The following PRKN variants were observed in gnomAD, a reference collection of about 807,000 sequenced individuals.
The protein encoded by PRKN is E3 ubiquitin-protein ligase parkin.
Under a neutral mutation model 59.5 loss-of-function variants are expected in PRKN, and 56 were observed. That is an observed-to-expected ratio of 0.94 (90% confidence interval 0.76 to 1.18). PRKN has a LOEUF of 1.18. Among genes scored for constraint, PRKN ranks in the 50% most tolerant of loss-of-function variants. The probability of loss-of-function intolerance (pLI) is 0.00; values close to 1 mark genes in which losing one functional copy is unlikely to be tolerated. For synonymous variants in PRKN, 250 were observed against 222.1 expected, an observed-to-expected ratio of 1.13 and a Z score of -1.12; for missense variants, 657 against 596.4, an observed-to-expected ratio of 1.10 and a Z score of -1.06.
At chr6:162,047,704 T>G (rs1035002692) in intron 5 of PRKN, among the ~76,000 whole-genome samples, 1 of 152,144 alleles carries the variant, frequency 6.6e-6, no homozygotes, top group African/African-American at 2.4e-5. Flanking sequence ...ACTAAAACAT[T>G]ATTAAGAAAC....
intron 2 of PRKN, chr6:162,269,760 T>A (rs952914281): frequency 6.6e-6 from 1 of 152,132 alleles, no homozygotes; most frequent in South Asian, 2.1e-4. Flanking sequence ...CCAACAAACA[T>A]ATGAAATAAT....
intron 1 of PRKN, among the ~76,000 whole-genome samples, chr6:162,638,454 C>T (rs1044955792): frequency 2.0e-5 from 3 of 152,164 alleles, no homozygotes; most frequent in Non-Finnish European, 4.4e-5. Context: ...AAAGGATTTG[C>T]CAAATTATCT....
chr6:161,906,109 A>G (rs778785465), intron 6 of PRKN, among the ~76,000 whole-genome samples: 5 of 152,138 alleles, frequency 3.3e-5, no homozygotes, highest in Non-Finnish European at 7.3e-5. Context: ...TTGGGACTAC[A>G]GGTATGGGCC....
At chr6:162,698,153 G>C (rs1023327520) in intron 1 of PRKN, among the ~76,000 whole-genome samples, 5 of 152,224 alleles carry the variant, frequency 3.3e-5, no homozygotes, top group Admixed American at 6.5e-5. Context: ...TTCTGGAAGA[G>C]GATCAGCATA....
At chr6:161,455,118 A>T (rs1789908517) in intron 9 of PRKN, among the ~76,000 whole-genome samples, 2 of 150,242 alleles carry the variant, frequency 1.3e-5, no homozygotes, top group African/African-American at 2.5e-5. Flanking sequence ...GGCTCACTGC[A>T]ACCTCTGCCC....
chr6:161,644,493 T>G (rs1458088270), intron 7 of PRKN, among the ~76,000 whole-genome samples: 2 of 152,258 alleles, frequency 1.3e-5, no homozygotes, highest in Non-Finnish European at 2.9e-5. Context: ...GGATTTCGCC[T>G]GCCTGGCATG....
rs2114980178 is a variant in PRKN at position 161,401,148 on chromosome 6, C to T, written c.1084-14271G>A. 6.6e-6 allele frequency among the ~76,000 whole-genome samples: 1 copy of T among 152,272 alleles called. No individual in the cohort carries two copies. Among genetic ancestry groups the T allele is most frequent in the Middle Eastern group, 3.4e-3 (1 of 294 alleles). The stretch of plus-strand genomic sequence containing the variant: ...ATTTAGCCAACAAAGAAGGTTGGCT[C>T]AAAGACACCTGTTTTTGCATGTAAA... On this transcript the variant is annotated intron_variant, in intron 9 of 11. Coordinates refer to ENST00000366898, the MANE Select transcript of PRKN (RefSeq NM_004562.3). The surrounding 1 kb of genome is among the most constrained non-coding windows in gnomAD (Gnocchi z 4.4).
intron 4 of PRKN, among the ~76,000 whole-genome samples, chr6:162,140,023 A>G (rs1781711095): frequency 6.6e-6 from 1 of 152,182 alleles, no homozygotes; most frequent in African/African-American, 2.4e-5. Flanking sequence ...TTAAAAAGGC[A>G]CTCTGCATGT....
At chr6:161,868,052 C>T (rs9355943) in intron 6 of PRKN, among the ~76,000 whole-genome samples, 48,916 of 151,240 alleles carry the variant, frequency 0.32, 8,233 homozygotes, top group Admixed American at 0.4. Context: ...TGAGCCATTG[C>T]GCCTGGCCAA....
At chr6:162,574,590 A>G (rs898437642) in intron 1 of PRKN, among the ~76,000 whole-genome samples, 1 of 152,144 alleles carries the variant, frequency 6.6e-6, no homozygotes, top group Non-Finnish European at 1.5e-5. Context: ...ACATTCCTGT[A>G]GTTTTATTTC....
At chr6:162,681,843 T>C (rs1192130107) in intron 1 of PRKN, among the ~76,000 whole-genome samples, 2 of 152,156 alleles carry the variant, frequency 1.3e-5, no homozygotes, top group East Asian at 3.9e-4. Context: ...TAGACCCAAC[T>C]CCCACCCGCT....
At position 162,321,793 on chromosome 6, in the gene PRKN, C is replaced by G. The variant is rs150113990; in HGVS notation, c.172-59028G>C. ...TAAGGTTTAAAATAAAAGCATCTGA[C>G]AAAAATCTGAAGTCTGTCTTATACA... On this transcript the variant is annotated intron_variant, in intron 2 of 11. Transcript: ENST00000366898. Among the ~76,000 whole-genome samples, 632 of 151,984 alleles carry G rather than the reference C, an allele frequency of 4.2e-3. 2 individuals are homozygous for G. The highest frequency in any genetic ancestry group is 0.015 in the African/African-American group (604 of 41,530).
chr6:162,222,056 T>C (rs147006453), intron 3 of PRKN, among the ~76,000 whole-genome samples: 262 of 152,156 alleles, frequency 1.7e-3, no homozygotes, highest in African/African-American at 6.0e-3. Context: ...AGGTAAAACA[T>C]TGGTTTTGGT....
In PRKN at chr6:161,475,983, G is replaced by C. The variant is rs1001151743; in HGVS notation, c.1083+72871C>G. Among the ~76,000 whole-genome samples, 11 of 152,012 alleles carry C rather than the reference G, an allele frequency of 7.2e-5. No individual in the cohort carries two copies. Among genetic ancestry groups the C allele is most frequent in the Admixed American group, 2.0e-4 (3 of 15,258 alleles). On this transcript the variant is annotated intron_variant, in intron 9 of 11. Coordinates refer to ENST00000366898, the MANE Select transcript of PRKN (RefSeq NM_004562.3). This position sits in a 1 kb window ranked among gnomAD's most constrained non-coding sequence, Gnocchi z 5.3. ...GGGCGGATCACGAGGTCAGGAGATGGAGACCATCCTGGTTAACACGGTGAA... is the reference window on the plus strand; with the variant it reads ...GGGCGGATCACGAGGTCAGGAGATGCAGACCATCCTGGTTAACACGGTGAA...
chr6:161,934,984 A>C lies in PRKN; in HGVS notation c.734+38318T>G, dbSNP rs144481358. Reference sequence around the variant, plus strand: ...TAGGTCTGTCTAATGTGTTATTTTAAGAGTTGCACAGGAAGAATTTTCAGA... The same window carrying C: ...TAGGTCTGTCTAATGTGTTATTTTACGAGTTGCACAGGAAGAATTTTCAGA... On this transcript the variant is annotated intron_variant, in intron 6 of 11. Coordinates refer to ENST00000366898, the MANE Select transcript of PRKN (RefSeq NM_004562.3). Among the ~76,000 whole-genome samples, 307 of 152,308 alleles carry C rather than the reference A, an allele frequency of 2.0e-3. 7 individuals are homozygous for C. Among genetic ancestry groups the C allele is most frequent in the Admixed American group, 0.017 (255 of 15,284 alleles).
chr6:161,695,335 G>A (rs1785974807), intron 7 of PRKN, among the ~76,000 whole-genome samples: 1 of 152,158 alleles, frequency 6.6e-6, no homozygotes, highest in Non-Finnish European at 1.5e-5. Context: ...ATGAACAAAT[G>A]ACAGAGAAAG....
intron 3 of PRKN, among the ~76,000 whole-genome samples, chr6:162,202,865 A>T (rs916519740): frequency 1.8e-4 from 28 of 152,352 alleles, no homozygotes; most frequent in African/African-American, 5.3e-4. Context: ...AAGTGCATAG[A>T]AGAAGAAGTG....
chr6:161,349,999 C>T lies in PRKN; in HGVS notation c.*100G>A, dbSNP rs1456297350. On this transcript the variant is annotated 3_prime_UTR_variant, in exon 12 of 12. Coordinates refer to ENST00000366898, the MANE Select transcript of PRKN (RefSeq NM_004562.3). This position sits in a 1 kb window ranked among gnomAD's most constrained non-coding sequence, Gnocchi z 5.5. ...AACTTGAAGAGTGTGTGTGCGCGCG[C>T]GCGCGTGTGTGTGTGTGTTTGAAAA... The T allele has an allele frequency of 8.6e-6, 7 of 815,444 alleles. No homozygotes were observed. The highest frequency in any genetic ancestry group is 5.1e-5 in the African/African-American group (3 of 59,320). 50.5% of individuals were successfully genotyped at this position (815,444 alleles called of 1,614,324 possible).
intron 6 of PRKN, among the ~76,000 whole-genome samples, chr6:161,913,342 G>A (rs1181918012): frequency 6.6e-6 from 1 of 151,954 alleles, no homozygotes; most frequent in Non-Finnish European, 1.5e-5. Flanking sequence ...GTGTAAATAA[G>A]AAAAAAGTCA....
Sources: allele counts gnomAD v4.1 joint callset (sites outside exome capture counted in the v4.1 genomes callset), GRCh38; gene constraint gnomAD v4.1.1; non-coding constraint Gnocchi (gnomAD v3.1); transcripts MANE v1.5; gene names NCBI Gene and HGNC (gene_info 2026-07-23, HGNC 2026-07-21).